The following CNTNAP2 variants were observed in gnomAD, a reference collection of about 807,000 sequenced individuals.
CNTNAP2 encodes contactin associated protein 2.
In CNTNAP2, 98 loss-of-function variants were observed where a neutral mutation model predicts 155.2. The observed-to-expected ratio is 0.63, with a 90% CI of 0.54 to 0.75. CNTNAP2 has a LOEUF of 0.75. CNTNAP2 is among the 30% of genes least tolerant of loss of function. CNTNAP2 has a pLI of 0.00. For synonymous variants in CNTNAP2, 651 were observed against 631.2 expected, an observed-to-expected ratio of 1.03 and a Z score of -0.47; for missense variants, 1,727 against 1,688.1, an observed-to-expected ratio of 1.02 and a Z score of -0.40.
intron 1 of CNTNAP2, among the ~76,000 whole-genome samples, chr7:146,428,516 TC>T (rs888022199): frequency 1.3e-5 from 2 of 152,200 alleles, no homozygotes. Flanking sequence ...AAGCTTTTTT[TC>T]ATATGTTTGT....
chr7:147,726,278 G>A (rs1796641016), intron 13 of CNTNAP2, among the ~76,000 whole-genome samples: 1 of 151,978 alleles, frequency 6.6e-6, no homozygotes, highest in African/African-American at 2.4e-5. Context: ...CACACACAAA[G>A]AGGACACAAG....
intron 10 of CNTNAP2, among the ~76,000 whole-genome samples, chr7:147,420,365 A>G (rs1251179140): frequency 6.6e-6 from 1 of 152,188 alleles, no homozygotes. Context: ...TGGTGACATT[A>G]AAGTTAATTA....
Position 147,792,252 on chromosome 7 carries a change from C to A in CNTNAP2, c.2099-111313C>A, listed in dbSNP as rs1434937295. Among the ~76,000 whole-genome samples the A allele has an allele frequency of 4.6e-5, 7 of 152,280 alleles. No homozygotes were observed. The East Asian group carries it at 1.4e-3, about 29-fold the overall frequency. On this transcript the variant is annotated intron_variant, in intron 13 of 23. Coordinates refer to ENST00000361727, the MANE Select transcript of CNTNAP2 (RefSeq NM_014141.6). Reference sequence around the variant, plus strand: ...TACCATTTAATGCTGTTAGTATAGTCACGGTGTTGTGCAACTATCACCACA... The same window carrying A: ...TACCATTTAATGCTGTTAGTATAGTAACGGTGTTGTGCAACTATCACCACA...
chr7:147,112,210 T>C (rs1415666898), intron 5 of CNTNAP2, among the ~76,000 whole-genome samples: 7 of 152,202 alleles, frequency 4.6e-5, no homozygotes, highest in Non-Finnish European at 1.0e-4. Context: ...CTTGTGATTT[T>C]TATACATTGA....
intron 1 of CNTNAP2, among the ~76,000 whole-genome samples, chr7:146,127,700 A>G (rs1164314462): frequency 1.3e-5 from 2 of 152,174 alleles, no homozygotes; most frequent in African/African-American, 4.8e-5. Flanking sequence ...CTGAAGAATT[A>G]TTTGTTATCT....
chr7:147,569,616 T>A (rs1470476656), intron 12 of CNTNAP2, among the ~76,000 whole-genome samples: 1 of 152,224 alleles, frequency 6.6e-6, no homozygotes, highest in Non-Finnish European at 1.5e-5. Context: ...GGCTTTACCG[T>A]ACAGCCCAGG....
At chr7:146,768,368 A>G (rs536009011) in intron 1 of CNTNAP2, among the ~76,000 whole-genome samples, 8 of 151,758 alleles carry the variant, frequency 5.3e-5, no homozygotes, top group African/African-American at 1.9e-4. Context: ...TCAGTGCTCC[A>G]GGACTGCACC....
At chr7:146,561,650 C>T (rs990645725) in intron 1 of CNTNAP2, among the ~76,000 whole-genome samples, 1 of 152,090 alleles carries the variant, frequency 6.6e-6, no homozygotes, top group East Asian at 1.9e-4. Flanking sequence ...AGAGCCAAAC[C>T]TTGTCTCAAA....
intron 9 of CNTNAP2, among the ~76,000 whole-genome samples, chr7:147,332,986 C>G (rs1795599018): frequency 6.6e-6 from 1 of 152,148 alleles, no homozygotes; most frequent in Non-Finnish European, 1.5e-5. Context: ...GAAGCAGGGC[C>G]TCCTGCACAG....
chr7:148,310,394 G>A (rs1450441968), intron 21 of CNTNAP2, among the ~76,000 whole-genome samples: 1 of 152,248 alleles, frequency 6.6e-6, no homozygotes, highest in Non-Finnish European at 1.5e-5. Context: ...GAGTCAACTT[G>A]GGCCTGGAGG....
chr7:146,481,513 A>G (rs558477568), intron 1 of CNTNAP2, among the ~76,000 whole-genome samples: 6 of 152,342 alleles, frequency 3.9e-5, no homozygotes, highest in Non-Finnish European at 8.8e-5. Context: ...AAGCACTTAG[A>G]ACAATTTTTA....
chr7:147,996,545 G>A (rs891408017), intron 15 of CNTNAP2, among the ~76,000 whole-genome samples: 1 of 152,162 alleles, frequency 6.6e-6, no homozygotes, highest in African/African-American at 2.4e-5. Flanking sequence ...TTCCTCATCT[G>A]TAAAATAGAA....
At position 146,668,444 on chromosome 7, in the gene CNTNAP2, GTGT is replaced by G. The variant is rs756706191; in HGVS notation, c.98-105826_98-105824del. Reference sequence around the variant, plus strand: ...GTAATTTTCCTGTGTGTGTGTGTGTGTGTGTGTGTGTGTGTGTGTGTGTGTGTG... The same window carrying G: ...GTAATTTTCCTGTGTGTGTGTGTGTGGTGTGTGTGTGTGTGTGTGTGTGTG... On this transcript the variant is annotated intron_variant, in intron 1 of 23. Transcript: ENST00000361727. 6.7e-4 allele frequency among the ~76,000 whole-genome samples: 100 copies of G among 149,860 alleles called. 2 individuals carry two copies. Among genetic ancestry groups the G allele is most frequent in the Non-Finnish European group, 7.4e-4 (50 of 67,650 alleles).
At chr7:147,167,314 G>C (rs897746610) in intron 8 of CNTNAP2, 5 of 470,192 alleles carry the variant, frequency 1.1e-5, no homozygotes, top group Non-Finnish European at 1.8e-5. Flanking sequence ...TTCTTGACAA[G>C]ATGGTGCTAT....
intron 17 of CNTNAP2, among the ~76,000 whole-genome samples, chr7:148,165,754 G>A (rs1300419433): frequency 1.3e-5 from 2 of 151,934 alleles, no homozygotes; most frequent in African/African-American, 4.9e-5. Context: ...CCTGCTTGCT[G>A]CCTCCCATAC....
chr7:146,356,479 C>G (rs1795000049), intron 1 of CNTNAP2, among the ~76,000 whole-genome samples: 1 of 152,066 alleles, frequency 6.6e-6, no homozygotes, highest in Non-Finnish European at 1.5e-5. Flanking sequence ...GTTCTCAATT[C>G]CAGCTACAGG....
intron 14 of CNTNAP2, 143 bp downstream of exon 14, chr7:147,903,864 T>G (rs1394363387): frequency 9.3e-7 from 1 of 1,072,572 alleles, no homozygotes; most frequent in African/African-American, 1.6e-5. Flanking sequence ...AACTGACAAA[T>G]GTCAGGAACA....
intron 3 of CNTNAP2, among the ~76,000 whole-genome samples, chr7:146,970,487 A>T (rs1376335559): frequency 6.6e-6 from 1 of 152,246 alleles, no homozygotes; most frequent in Non-Finnish European, 1.5e-5. Context: ...CCATTAGAGA[A>T]ATGCAAATCA....
At chr7:148,221,057 A>G (rs1795740605) in intron 19 of CNTNAP2, among the ~76,000 whole-genome samples, 1 of 151,934 alleles carries the variant, frequency 6.6e-6, no homozygotes, top group South Asian at 2.1e-4. Flanking sequence ...CCTCAACTGT[A>G]TTCGCTACCT....
Sources: allele counts gnomAD v4.1 joint callset (sites outside exome capture counted in the v4.1 genomes callset), GRCh38; gene constraint gnomAD v4.1.1; transcripts MANE v1.5; gene names NCBI Gene and HGNC (gene_info 2026-07-23, HGNC 2026-07-21).